Variants in LAPTM4B observed in about 807,000 individuals in gnomAD.
LAPTM4B encodes the protein lysosomal-associated transmembrane protein 4B.
Under a neutral mutation model 28.5 loss-of-function variants are expected in LAPTM4B, and 26 were observed. The observed-to-expected ratio is 0.91, with a 90% CI of 0.67 to 1.27. LAPTM4B has a LOEUF of 1.27. LAPTM4B is among the 50% of genes most tolerant of loss of function. The pLI is 0.00. For synonymous variants in LAPTM4B, 109 were observed against 106.4 expected (o/e 1.02, Z -0.15); for missense variants, 288 against 285.8 (o/e 1.01, Z -0.06).
intron 1 of LAPTM4B, among the ~76,000 whole-genome samples, chr8:97,795,859 AG>A (rs1816573064): frequency 6.7e-6 from 1 of 150,012 alleles, no homozygotes; most frequent in Non-Finnish European, 1.5e-5. Context: ...AAAAAAAAAA[AG>A]ATCTAACACT....
chr8:97,849,345 G>T (rs1255482448), intron 6 of LAPTM4B, among the ~76,000 whole-genome samples: 1 of 152,138 alleles, frequency 6.6e-6, no homozygotes, highest in Non-Finnish European at 1.5e-5. Flanking sequence ...ACAGTGACAT[G>T]TTTTCAGGTT....
At chr8:97,849,797 C>G (rs1437996276) in intron 6 of LAPTM4B, among the ~76,000 whole-genome samples, 4 of 151,854 alleles carry the variant, frequency 2.6e-5, no homozygotes, top group East Asian at 1.9e-4. Flanking sequence ...CCGCCACCCC[C>G]CCTCCTCCAC....
At chr8:97,776,310 T>G (rs911563021) in intron 1 of LAPTM4B, among the ~76,000 whole-genome samples, 11 of 150,072 alleles carry the variant, frequency 7.3e-5, no homozygotes, top group Middle Eastern at 3.4e-3. Flanking sequence ...TTTGGGGCGA[T>G]GGGGGAGGCC....
chr8:97,842,226 T>C (rs1406514870), intron 6 of LAPTM4B, among the ~76,000 whole-genome samples: 2 of 152,094 alleles, frequency 1.3e-5, no homozygotes, highest in Non-Finnish European at 2.9e-5. Context: ...TCGCAAAACA[T>C]TTTTCTTTTG....
intron 4 of LAPTM4B, among the ~76,000 whole-genome samples, chr8:97,818,267 G>A (rs1020434564): frequency 1.3e-5 from 2 of 152,218 alleles, no homozygotes; most frequent in Admixed American, 6.5e-5. Flanking sequence ...TGAGTCATGG[G>A]CCTTCTCCAT....
At chr8:97,825,820 G>T (rs1817082873) in intron 6 of LAPTM4B, among the ~76,000 whole-genome samples, 1 of 152,218 alleles carries the variant, frequency 6.6e-6, no homozygotes, top group Non-Finnish European at 1.5e-5. Context: ...GTCACTGCCT[G>T]ATGTAATGCA....
intron 1 of LAPTM4B, among the ~76,000 whole-genome samples, chr8:97,803,492 T>G (rs1181004305): frequency 6.6e-6 from 1 of 152,084 alleles, no homozygotes; most frequent in African/African-American, 2.4e-5. Flanking sequence ...CAGGCTGGTC[T>G]CGAACTCCTA....
At chr8:97,848,006 A>G (rs1446956192) in intron 6 of LAPTM4B, among the ~76,000 whole-genome samples, 1 of 152,210 alleles carries the variant, frequency 6.6e-6, no homozygotes, top group Admixed American at 6.5e-5. Context: ...GCTCATGCCT[A>G]TAATCCCTGT....
chr8:97,781,862 G>T (rs1816325143), intron 1 of LAPTM4B, among the ~76,000 whole-genome samples: 1 of 151,796 alleles, frequency 6.6e-6, no homozygotes, highest in African/African-American at 2.4e-5. Flanking sequence ...TGTTTTTATT[G>T]TATTAATATA....
chr8:97,788,950 T>C (rs1816452511), intron 1 of LAPTM4B, among the ~76,000 whole-genome samples: 1 of 152,008 alleles, frequency 6.6e-6, no homozygotes, highest in Non-Finnish European at 1.5e-5. Context: ...CACCTCAGCC[T>C]CCCAAAGTGC....
At chr8:97,810,706 C>T (rs1183799105) in intron 2 of LAPTM4B, among the ~76,000 whole-genome samples, 1 of 152,176 alleles carries the variant, frequency 6.6e-6, no homozygotes, top group Non-Finnish European at 1.5e-5. Context: ...ATTATAACAT[C>T]AAGTGTCTGT....
rs71570268 is a variant in LAPTM4B at position 97,820,304 on chromosome 8, C to CTTTTTT, written c.507+1077_507+1082dup. ...TTTTTTTATTTATTTTTCTTTCTTT[C>CTTTTTT]TTTTTTTTTTTTTTTTGAGGTAGGG... On this transcript the variant is annotated intron_variant, in intron 5 of 6. Coordinates refer to ENST00000521545, the MANE Select transcript of LAPTM4B (RefSeq NM_018407.6). Among the ~76,000 whole-genome samples the CTTTTTT allele has an allele frequency of 9.4e-4, 121 of 128,298 alleles. 1 individual carries two copies. Among genetic ancestry groups the CTTTTTT allele is most frequent in the African/African-American group, 2.4e-3 (84 of 34,742 alleles). 84.2% of individuals were successfully genotyped at this position (128,298 alleles called of 152,430 possible).
intron 6 of LAPTM4B, among the ~76,000 whole-genome samples, chr8:97,839,863 G>T (rs1817318240): frequency 6.6e-6 from 1 of 152,230 alleles, no homozygotes; most frequent in Admixed American, 6.5e-5. Flanking sequence ...AAAGGTTTCT[G>T]GGAATGTATT....
chr8:97,805,763 G>T (rs1816749435), intron 2 of LAPTM4B, among the ~76,000 whole-genome samples: 1 of 152,110 alleles, frequency 6.6e-6, no homozygotes. Context: ...AGGAAGGAAG[G>T]TGAAAAGGCT....
Position 97,782,933 on chromosome 8 carries a change from TA to T in LAPTM4B, c.99+6826del, listed in dbSNP as rs1422921693. Among the ~76,000 whole-genome samples the T allele has an allele frequency of 2.7e-5, 4 of 149,226 alleles. 1 individual carries two copies. Among genetic ancestry groups the T allele is most frequent in the African/African-American group, 9.8e-5 (4 of 41,022 alleles). On this transcript the variant is annotated intron_variant, in intron 1 of 6. Transcript: ENST00000521545. ...TTATTTATTTATTTATTTATTTATT[TA>T]TTTATTTATTTATTTTTTAGTAGAG...
At chr8:97,832,124 TC>T (rs1817191254) in intron 6 of LAPTM4B, among the ~76,000 whole-genome samples, 1 of 152,126 alleles carries the variant, frequency 6.6e-6, no homozygotes, top group African/African-American at 2.4e-5. Flanking sequence ...CATGAGTAAG[TC>T]CCCCAAATGC....
At chr8:97,833,968 T>C (rs1373267927) in intron 6 of LAPTM4B, among the ~76,000 whole-genome samples, 1 of 152,032 alleles carries the variant, frequency 6.6e-6, no homozygotes, top group Non-Finnish European at 1.5e-5. Flanking sequence ...GTTTTCAAAA[T>C]AATGAACTCA....
Position 97,805,344 on chromosome 8 carries a change from T to TGG in LAPTM4B, c.100-9_100-8insGG. On this transcript the variant is annotated splice_polypyrimidine_tract_variant and intron_variant, in intron 1 of 6. Transcript: ENST00000521545. ...AAATTCTTTTTTTTTTTTTTTTTTC[T>TGG]TGTTGCAGATCATCAATGCTGTGGT... The TGG allele has an allele frequency of 7.3e-7, 1 of 1,379,214 alleles. No individual in the cohort carries two copies. Among genetic ancestry groups the TGG allele is most frequent in the Non-Finnish European group, 1.0e-6 (1 of 991,268 alleles). 85.4% of individuals were successfully genotyped at this position (1,379,214 alleles called of 1,614,324 possible). A position where few individuals can be genotyped will look rare whatever the true frequency, so the allele number is the denominator to read the frequency against.
intron 1 of LAPTM4B, among the ~76,000 whole-genome samples, chr8:97,791,350 G>T (rs367850417): frequency 6.6e-6 from 1 of 152,172 alleles, no homozygotes; most frequent in African/African-American, 2.4e-5. Flanking sequence ...TCCACACCCT[G>T]TCCCTCCATG....
Sources: gnomAD v4.1 joint callset for allele counts (sites outside exome capture counted in the v4.1 genomes callset) on GRCh38, gnomAD v4.1.1 for gene constraint, MANE v1.5 for transcripts, NCBI Gene and HGNC (gene_info 2026-07-23, HGNC 2026-07-21) for gene names.